The following CFAP299 variants were observed in gnomAD, a reference collection of about 807,000 sequenced individuals.
The protein encoded by CFAP299 is cilia- and flagella-associated protein 299.
In CFAP299, 21 loss-of-function variants were observed where a neutral mutation model predicts 27.0. The observed-to-expected ratio is 0.78, with a 90% CI of 0.55 to 1.12. CFAP299 has a LOEUF of 1.12. Among genes scored for constraint, CFAP299 ranks in the 50% most tolerant of loss-of-function variants. The pLI is 0.00. For synonymous variants in CFAP299, 104 were observed against 98.1 expected (o/e 1.06, Z -0.36); for missense variants, 310 against 276.6 (o/e 1.12, Z -0.86).
intron 4 of CFAP299, among the ~76,000 whole-genome samples, chr4:80,916,538 C>A (rs1735777237): frequency 6.6e-6 from 1 of 151,740 alleles, no homozygotes; most frequent in Admixed American, 6.6e-5. Context: ...GTTGCCCCTA[C>A]AACTTTGCCC....
At chr4:80,616,430 T>C (rs556633118) in intron 3 of CFAP299, among the ~76,000 whole-genome samples, 1 of 152,036 alleles carries the variant, frequency 6.6e-6, no homozygotes, top group Non-Finnish European at 1.5e-5. Context: ...TTATGTATTA[T>C]AAATATGCAT....
intron 2 of CFAP299, among the ~76,000 whole-genome samples, chr4:80,460,287 AG>A (rs1729373639): frequency 6.6e-6 from 1 of 152,166 alleles, no homozygotes; most frequent in Admixed American, 6.6e-5. Flanking sequence ...TGCCAGGGAA[AG>A]CTTGGCTGTT....
chr4:80,555,378 G>A (rs1160752220), intron 2 of CFAP299, among the ~76,000 whole-genome samples: 3 of 152,094 alleles, frequency 2.0e-5, no homozygotes, highest in East Asian at 1.9e-4. Context: ...GCTTTTTGAT[G>A]TGCTGCTAGA....
chr4:80,947,293 TACA>T (rs1448682178), intron 5 of CFAP299, among the ~76,000 whole-genome samples: 2 of 152,182 alleles, frequency 1.3e-5, no homozygotes, highest in African/African-American at 2.4e-5. Flanking sequence ...AGGCGAGACA[TACA>T]ACAACATTTG....
rs377190807 is a variant in CFAP299 at position 80,507,131 on chromosome 4, C to T, written c.243-75962C>T. 1.1e-4 allele frequency among the ~76,000 whole-genome samples: 16 copies of T among 152,232 alleles called. No homozygotes were observed. In the East Asian group the frequency reaches 2.5e-3, roughly 24 times the overall value. ...ATGCTGATTCTCCTGTTTCTTATGGCTGCTCATACTCTCATGGAGGCTTAT... is the reference window on the plus strand; with the variant it reads ...ATGCTGATTCTCCTGTTTCTTATGGTTGCTCATACTCTCATGGAGGCTTAT... On this transcript the variant is annotated intron_variant, in intron 2 of 5. Coordinates refer to ENST00000358105, the MANE Select transcript of CFAP299 (RefSeq NM_152770.3).
chr4:80,808,696 G>A (rs904350345), intron 3 of CFAP299, among the ~76,000 whole-genome samples: 10 of 151,980 alleles, frequency 6.6e-5, no homozygotes, highest in Admixed American at 5.9e-4. Flanking sequence ...CACATGTTAG[G>A]CATTAACTAA....
At chr4:80,830,013 T>C (rs1052777114) in intron 3 of CFAP299, among the ~76,000 whole-genome samples, 3 of 152,150 alleles carry the variant, frequency 2.0e-5, no homozygotes, top group Non-Finnish European at 2.9e-5. Flanking sequence ...GTGGTAATGA[T>C]TGTACAACAT....
At chr4:80,847,289 G>T (rs149974088) in intron 3 of CFAP299, among the ~76,000 whole-genome samples, 4 of 152,144 alleles carry the variant, frequency 2.6e-5, no homozygotes. Context: ...TAAAACTCTA[G>T]CAAGAAGGTA....
intron 3 of CFAP299, among the ~76,000 whole-genome samples, chr4:80,800,036 T>C (rs796318978): frequency 3.7e-5 from 2 of 54,196 alleles, no homozygotes; most frequent in Admixed American, 3.5e-4. Context: ...ATATAATATA[T>C]AATAATATAT....
At chr4:80,826,045 A>C (rs186462546) in intron 3 of CFAP299, among the ~76,000 whole-genome samples, 1 of 152,042 alleles carries the variant, frequency 6.6e-6, no homozygotes, top group African/African-American at 2.4e-5. Context: ...TTTTGAGCAG[A>C]CATGTATAAA....
chr4:80,904,595 A>T (rs1011160551), intron 4 of CFAP299, among the ~76,000 whole-genome samples: 1 of 151,448 alleles, frequency 6.6e-6, no homozygotes, highest in Admixed American at 6.6e-5. Flanking sequence ...ATCTGGAGGG[A>T]CTGATATTAG....
chr4:80,600,886 CT>C (rs1737309045), intron 3 of CFAP299, among the ~76,000 whole-genome samples: 1 of 152,116 alleles, frequency 6.6e-6, no homozygotes. Flanking sequence ...AGGCTTTGCC[CT>C]TTCTATGCCT....
intron 3 of CFAP299, among the ~76,000 whole-genome samples, chr4:80,849,628 G>C (rs980957786): frequency 1.3e-5 from 2 of 152,100 alleles, no homozygotes; most frequent in African/African-American, 2.4e-5. Flanking sequence ...AAAATCAAGA[G>C]AGTAAGCCTG....
chr4:80,901,023 A>G (rs1236113892), intron 4 of CFAP299, among the ~76,000 whole-genome samples: 1 of 152,108 alleles, frequency 6.6e-6, no homozygotes, highest in Non-Finnish European at 1.5e-5. Flanking sequence ...GGTTTGCAAT[A>G]AAAAAGCTAG....
chr4:80,687,034 C>G (rs192794884), intron 3 of CFAP299, among the ~76,000 whole-genome samples: 105 of 152,228 alleles, frequency 6.9e-4, no homozygotes, highest in African/African-American at 2.4e-3. Context: ...ACATTTTTGC[C>G]TGTTAAACAA....
intron 3 of CFAP299, among the ~76,000 whole-genome samples, chr4:80,643,661 G>A (rs1226503383): frequency 2.0e-5 from 3 of 152,110 alleles, no homozygotes; most frequent in Non-Finnish European, 4.4e-5. Flanking sequence ...ATGATAAGGG[G>A]AAGCAGTATT....
intron 2 of CFAP299, chr4:80,388,598 G>T (rs181653116): frequency 2.1e-6 from 3 of 1,405,830 alleles, no homozygotes; most frequent in Non-Finnish European, 3.0e-6. Context: ...AGCAGGGGAC[G>T]CATTGACACT....
Position 80,386,523 on chromosome 4 carries a change from G to GGA in CFAP299, c.242+23640_242+23641insAG, listed in dbSNP as rs1553918727. ...CTCGCGGGCGGTGGTGGGGGGGGGGGGTGCCGCCGGGTTTGCAGGTCCTTT... is the reference window on the plus strand; with the variant it reads ...CTCGCGGGCGGTGGTGGGGGGGGGGGGAGTGCCGCCGGGTTTGCAGGTCCTTT... On this transcript the variant is annotated intron_variant, in intron 2 of 5. Coordinates refer to ENST00000358105, the MANE Select transcript of CFAP299 (RefSeq NM_152770.3). 2.5e-6 allele frequency: 4 copies of GGA among 1,573,660 alleles called. No homozygotes were observed. The African/African-American group carries it at 5.4e-5, about 21-fold the overall frequency.
chr4:80,392,850 T>C (rs897047613), intron 2 of CFAP299, among the ~76,000 whole-genome samples: 14 of 152,382 alleles, frequency 9.2e-5, no homozygotes, highest in African/African-American at 2.9e-4. Flanking sequence ...TACTGGTTTA[T>C]GTATTTAATA....
Sources: gnomAD v4.1 joint callset for allele counts (sites outside exome capture counted in the v4.1 genomes callset) on GRCh38, gnomAD v4.1.1 for gene constraint, MANE v1.5 for transcripts, NCBI Gene and HGNC (gene_info 2026-07-23, HGNC 2026-07-21) for gene names.